Variants in BTRC observed in about 807,000 individuals in gnomAD.
BTRC encodes the protein beta-transducin repeat containing E3 ubiquitin protein ligase.
BTRC carries 42 observed loss-of-function variants against 85.5 expected under a neutral mutation model. That is an observed-to-expected ratio of 0.49 (90% CI 0.38 to 0.64). The LOEUF is 0.64. BTRC is among the 30% of genes least tolerant of loss of function. The pLI is 0.00. For synonymous variants in BTRC, 255 were observed against 263.3 expected (o/e 0.97, Z 0.30); for missense variants, 594 against 743.5 (o/e 0.80, Z 2.34).
At chr10:101,390,177 C>T (rs1943199635) in intron 1 of BTRC, among the ~76,000 whole-genome samples, 1 of 152,060 alleles carries the variant, frequency 6.6e-6, no homozygotes, top group South Asian at 2.1e-4. Context: ...ACAATAAATA[C>T]TTGTGAAGTC....
intron 1 of BTRC, among the ~76,000 whole-genome samples, chr10:101,415,597 A>G (rs189989115): frequency 6.5e-4 from 97 of 148,786 alleles, no homozygotes; most frequent in Non-Finnish European, 1.3e-3. Flanking sequence ...GCTGGAGTGC[A>G]ATGGCGTGAT....
intron 3 of BTRC, among the ~76,000 whole-genome samples, chr10:101,468,398 G>C (rs926678248): frequency 1.3e-5 from 2 of 151,894 alleles, no homozygotes; most frequent in East Asian, 1.9e-4. Context: ...TAAAAAAGGC[G>C]GGGGGTGGGG....
intron 13 of BTRC, among the ~76,000 whole-genome samples, chr10:101,549,444 G>A (rs1024773751): frequency 2.6e-5 from 4 of 151,672 alleles, no homozygotes; most frequent in Non-Finnish European, 4.4e-5. Context: ...AAAAAATGAT[G>A]ATGATGACAC....
At chr10:101,499,700 A>G (rs1004750541) in intron 4 of BTRC, among the ~76,000 whole-genome samples, 14 of 151,216 alleles carry the variant, frequency 9.3e-5, no homozygotes, top group African/African-American at 3.4e-4. Context: ...GTCTATTCTG[A>G]TATCAGCCCA....
Position 101,461,983 on chromosome 10 carries a change from T to C in BTRC, c.159T>C (p.Asn53=), listed in dbSNP as rs1945238560. Residue 53 remains asparagine (N), a splice_region_variant and synonymous_variant, in exon 3 of 15, where the codon AAT becomes AAC. Coordinates refer to ENST00000370187, the MANE Select transcript of BTRC (RefSeq NM_033637.4). ...TTAAAGCTTACTTTCTTTCACAGAA[T>C]TCCTCAGAGAGAGAAGACTGTAATA... ...PGTGALTAFQ[N]SSEREDCNNG... The C allele has an allele frequency of 6.2e-7, 1 of 1,607,780 alleles. No homozygotes were observed. Among genetic ancestry groups the C allele is most frequent in the Non-Finnish European group, 8.5e-7 (1 of 1,175,238 alleles).
intron 4 of BTRC, among the ~76,000 whole-genome samples, chr10:101,505,129 GTATA>G (rs1405535239): frequency 2.6e-5 from 2 of 76,080 alleles, no homozygotes; most frequent in Non-Finnish European, 4.5e-5. Context: ...ATATATATGT[GTATA>G]TATATGTATA....
At position 101,532,292 on chromosome 10, in the gene BTRC, C is replaced by T; in HGVS notation, c.841-3C>T. On this transcript the variant is annotated splice_polypyrimidine_tract_variant and splice_region_variant and intron_variant, in intron 7 of 14. Coordinates refer to ENST00000370187, the MANE Select transcript of BTRC (RefSeq NM_033637.4). ...CTGCCTCTTTCCCATTCCTTCTTCT[C>T]AGACAATAGAATCTAATTGGAGATG... is the stretch of plus-strand genomic sequence containing the variant. 6.2e-7 allele frequency: 1 copy of T among 1,606,544 alleles called. No homozygotes were observed. The highest frequency in any genetic ancestry group is 1.3e-5 in the African/African-American group (1 of 74,652).
At chr10:101,358,214 G>C (rs868120858) in intron 1 of BTRC, among the ~76,000 whole-genome samples, 5 of 152,154 alleles carry the variant, frequency 3.3e-5, no homozygotes, top group Non-Finnish European at 7.3e-5. Context: ...TGATCCTCCT[G>C]CCTCGGCGTC....
intron 1 of BTRC, among the ~76,000 whole-genome samples, chr10:101,401,968 A>C (rs1340770284): frequency 2.0e-5 from 3 of 152,162 alleles, no homozygotes; most frequent in Admixed American, 6.6e-5. Context: ...TATGCTCTGG[A>C]GTTCTTACCT....
At chr10:101,544,049 A>G (rs2134454971) in intron 13 of BTRC, among the ~76,000 whole-genome samples, 1 of 152,242 alleles carries the variant, frequency 6.6e-6, no homozygotes, top group East Asian at 1.9e-4. Context: ...AGCTGGGACT[A>G]CAGGCGCCCG....
intron 1 of BTRC, among the ~76,000 whole-genome samples, chr10:101,354,908 C>T (rs181860766): frequency 1.7e-3 from 253 of 152,258 alleles, no homozygotes; most frequent in Non-Finnish European, 2.1e-3. Context: ...GCTATAATGA[C>T]AGTCCCTGGG....
intron 13 of BTRC, among the ~76,000 whole-genome samples, chr10:101,544,604 T>A (rs571620934): frequency 6.6e-6 from 1 of 152,044 alleles, no homozygotes; most frequent in African/African-American, 2.4e-5. Flanking sequence ...TAGGGTCTCA[T>A]TGTGTTGCCC....
chr10:101,532,563 C>T, intron 8 of BTRC, 131 bp downstream of exon 8: 3 of 1,229,900 alleles, frequency 2.4e-6, no homozygotes, highest in Non-Finnish European at 3.3e-6. Flanking sequence ...TTTCCAGTCC[C>T]AAAGCCAAAA....
chr10:101,366,960 T>G (rs1197397816), intron 1 of BTRC, among the ~76,000 whole-genome samples: 1 of 30,352 alleles, frequency 3.3e-5, no homozygotes, highest in Non-Finnish European at 7.9e-5. Flanking sequence ...ATATATATAT[T>G]TATATAAATA....
At chr10:101,401,528 T>C (rs77823751) in intron 1 of BTRC, among the ~76,000 whole-genome samples, 2,628 of 152,262 alleles carry the variant, frequency 0.017, 73 homozygotes, top group African/African-American at 0.06. Context: ...TGTCTTCTGA[T>C]GTTGAATATT....
At chr10:101,401,331 G>A (rs1234121771) in intron 1 of BTRC, among the ~76,000 whole-genome samples, 4 of 152,174 alleles carry the variant, frequency 2.6e-5, no homozygotes, top group African/African-American at 4.8e-5. Context: ...TTTTAACAGT[G>A]TGGCAAAGAG....
intron 1 of BTRC, among the ~76,000 whole-genome samples, chr10:101,386,269 G>A (rs755690664): frequency 2.0e-5 from 3 of 152,190 alleles, no homozygotes; most frequent in Non-Finnish European, 4.4e-5. Context: ...AGCAAGGTCA[G>A]TTTACTCTAG....
intron 13 of BTRC, among the ~76,000 whole-genome samples, chr10:101,546,532 G>A (rs2134463572): frequency 6.6e-6 from 1 of 152,214 alleles, no homozygotes; most frequent in South Asian, 2.1e-4. Context: ...CAAAATTTGT[G>A]GGATGCAGTG....
intron 3 of BTRC, among the ~76,000 whole-genome samples, chr10:101,478,941 GAAAAAAA>G (rs765974783): frequency 3.1e-5 from 3 of 98,036 alleles, no homozygotes; most frequent in African/African-American, 7.5e-5. Context: ...TCCATCTGGG[GAAAAAAA>G]AAAAAAAAAA....
Sources: allele counts gnomAD v4.1 joint callset (sites outside exome capture counted in the v4.1 genomes callset), GRCh38; gene constraint gnomAD v4.1.1; transcripts MANE v1.5; gene names NCBI Gene and HGNC (gene_info 2026-07-23, HGNC 2026-07-21).